The following ARID1B variants were observed in gnomAD, a reference collection of about 807,000 sequenced individuals.
ARID1B encodes AT-rich interactive domain-containing protein 1B.
A neutral mutation model predicts 212.3 loss-of-function variants in ARID1B; 30 were observed. The ratio of observed to expected loss-of-function variants is 0.14; its 90% CI spans 0.11 to 0.19. The LOEUF is 0.19. Among genes scored for constraint, ARID1B ranks in the 10% least tolerant of loss-of-function variants. The probability of loss-of-function intolerance (pLI) is 1.00; values close to 1 mark genes in which losing one functional copy is unlikely to be tolerated. For missense variants in ARID1B, 2,891 were observed against 3,204.0 expected (o/e 0.90, Z 2.36); for synonymous variants, 1,402 against 1,301.7 (o/e 1.08, Z -1.66).
At chr6:157,158,162 C>A (rs1790691905) in intron 8 of ARID1B, among the ~76,000 whole-genome samples, 5 of 152,202 alleles carry the variant, frequency 3.3e-5, no homozygotes. Flanking sequence ...TGAATCCTGT[C>A]CTGCACAGAG....
chr6:157,101,019 T>C (rs551151422), intron 5 of ARID1B, among the ~76,000 whole-genome samples: 1 of 152,210 alleles, frequency 6.6e-6, no homozygotes. Flanking sequence ...TATTCTACTT[T>C]AAAGATTTGA....
In ARID1B at chr6:156,778,728, C is replaced by T. The variant is rs1344255932; in HGVS notation, c.1048C>T (p.His350Tyr). 11 of 1,523,704 alleles carry T rather than the reference C, an allele frequency of 7.2e-6. No homozygotes were observed. Among genetic ancestry groups the T allele is most frequent in the African/African-American group, 1.4e-5 (1 of 70,428 alleles). The allele number at this position is 1,523,704 out of a possible 1,614,324, so 94.4% of individuals were successfully genotyped here. A position where few individuals can be genotyped will look rare whatever the true frequency, so the allele number is the denominator to read the frequency against. Residue 350 changes from histidine (H) to tyrosine (Y), a missense_variant, in exon 1 of 20, where the codon CAC becomes TAC. His to Tyr is a moderately conservative substitution (Grantham distance 83). Around this residue, in one of 7 missense-constraint regions of ARID1B, gnomAD observed 1,643 missense variants for 1,544.0 expected, o/e 1.06. Coordinates refer to ENST00000636930, the MANE Select transcript of ARID1B (RefSeq NM_001374828.1). ...ACAAAGCCCCGGGATGGGGATGATG[C>T]ACTCCGCCTCCGCCGCCGCCGCCGG... ...GQQSPGMGMM[H>Y]SASAAAAGAP...
intron 4 of ARID1B, among the ~76,000 whole-genome samples, chr6:156,951,252 A>G (rs1016486588): frequency 1.1e-4 from 16 of 152,214 alleles, no homozygotes; most frequent in African/African-American, 3.9e-4. Flanking sequence ...AAACGTTTGT[A>G]TAAACAAAGA....
chr6:156,985,137 G>T (rs1170187495), intron 4 of ARID1B: 1 of 152,108 alleles, frequency 6.6e-6, no homozygotes, highest in African/African-American at 2.4e-5. Context: ...ATTCTTTCAG[G>T]CTGTGACTCT....
intron 5 of ARID1B, among the ~76,000 whole-genome samples, chr6:157,093,887 CTGAG>C (rs1785441532): frequency 6.6e-6 from 1 of 152,194 alleles, no homozygotes; most frequent in Non-Finnish European, 1.5e-5. Flanking sequence ...CAGCAAAGCA[CTGAG>C]TGTGTATTAT....
chr6:157,174,826 T>G, intron 10 of ARID1B, 21 bp from the exon 11 acceptor site: 1 of 1,473,072 alleles, frequency 6.8e-7, no homozygotes, highest in Non-Finnish European at 9.0e-7. Flanking sequence ...CATTTTTTTT[T>G]TTTTTATTCC....
At chr6:157,168,207 T>C (rs575110130) in intron 9 of ARID1B, 1 of 152,368 alleles carries the variant, frequency 6.6e-6, no homozygotes, top group South Asian at 2.1e-4. Context: ...GCCTCCTGTC[T>C]GAGCTTCTGC....
intron 2 of ARID1B, among the ~76,000 whole-genome samples, chr6:156,899,150 A>G (rs1788722313): frequency 6.6e-6 from 1 of 152,250 alleles, no homozygotes; most frequent in Non-Finnish European, 1.5e-5. Flanking sequence ...TGGGCAGGGC[A>G]TCTATATGAC....
chr6:157,042,454 G>GAA (rs1554287895), intron 4 of ARID1B, among the ~76,000 whole-genome samples: 5 of 151,702 alleles, frequency 3.3e-5, no homozygotes, highest in African/African-American at 1.2e-4. Flanking sequence ...ATGTTCTTTG[G>GAA]GAAGAAAACT....
intron 4 of ARID1B, among the ~76,000 whole-genome samples, chr6:156,949,308 T>G (rs192772853): frequency 1.1e-4 from 17 of 152,352 alleles, no homozygotes; most frequent in African/African-American, 3.8e-4. Context: ...CACGTTGTTG[T>G]TTGACAAAGA....
chr6:157,125,563 G>A (rs142941662), intron 6 of ARID1B, among the ~76,000 whole-genome samples: 10 of 152,300 alleles, frequency 6.6e-5, no homozygotes, highest in Admixed American at 5.9e-4. Flanking sequence ...AGATTTGCCC[G>A]GGTCTTTCCT....
chr6:157,175,072 T>C, intron 11 of ARID1B, 67 bp downstream of exon 11: 1 of 1,201,736 alleles, frequency 8.3e-7, no homozygotes, highest in Non-Finnish European at 1.1e-6. Context: ...TGATAATTAA[T>C]TAATTCTACT....
At chr6:156,853,534 G>A (rs1784717434) in intron 2 of ARID1B, among the ~76,000 whole-genome samples, 1 of 151,954 alleles carries the variant, frequency 6.6e-6, no homozygotes, top group Admixed American at 6.5e-5. Flanking sequence ...TTTTGTGGTG[G>A]AAGAGGGGGC....
At chr6:156,909,413 C>T (rs1789690826) in intron 3 of ARID1B, among the ~76,000 whole-genome samples, 1 of 152,078 alleles carries the variant, frequency 6.6e-6, no homozygotes, top group East Asian at 1.9e-4. Flanking sequence ...CGTGAGTCAC[C>T]GCATCCGGAC....
chr6:156,879,483 T>C (rs966180270), intron 2 of ARID1B, among the ~76,000 whole-genome samples: 7 of 152,228 alleles, frequency 4.6e-5, no homozygotes, highest in Non-Finnish European at 1.0e-4. Context: ...TGCCCTTTTT[T>C]CCCTCTGTGA....
rs914513517 is a variant in ARID1B, at chr6:157,026,270, A to G, written c.2248-58392A>G. Among the ~76,000 whole-genome samples the G allele has an allele frequency of 9.8e-5, 15 of 152,338 alleles. No individual in the cohort carries two copies. In the East Asian group the frequency reaches 2.9e-3, roughly 29 times the overall value. On this transcript the variant is annotated intron_variant, in intron 4 of 19. Coordinates refer to ENST00000636930, the MANE Select transcript of ARID1B (RefSeq NM_001374828.1). ...CAATGTTTTTATCATGGAAAGAGAC[A>G]AATCACTCATATTTTCTTTTTCCAG...
chr6:156,826,096 G>T (rs186991016), intron 1 of ARID1B, among the ~76,000 whole-genome samples: 31 of 152,048 alleles, frequency 2.0e-4, no homozygotes, highest in Admixed American at 1.6e-3. Flanking sequence ...TCCAAACAAT[G>T]TCTTGGCTGG....
chr6:157,155,970 GT>G (rs1282513943), intron 8 of ARID1B, among the ~76,000 whole-genome samples: 1 of 152,148 alleles, frequency 6.6e-6, no homozygotes, highest in Non-Finnish European at 1.5e-5. Context: ...CATATCCTGT[GT>G]TGCCATTTGC....
At chr6:157,118,818 G>C (rs750109652) in intron 6 of ARID1B, among the ~76,000 whole-genome samples, 1 of 152,240 alleles carries the variant, frequency 6.6e-6, no homozygotes, top group South Asian at 2.1e-4. Flanking sequence ...ATTCATTGAG[G>C]AAGCATCAGT....
Sources: allele counts gnomAD v4.1 joint callset (sites outside exome capture counted in the v4.1 genomes callset), GRCh38; gene constraint gnomAD v4.1.1; regional missense constraint gnomAD v4.1.1; transcripts MANE v1.5; gene names NCBI Gene and HGNC (gene_info 2026-07-23, HGNC 2026-07-21).